TMEM106B: variants seen among roughly 807,000 people sequenced by gnomAD.
TMEM106B encodes transmembrane protein 106B.
TMEM106B carries 15 observed loss-of-function variants against 31.1 expected under a neutral mutation model. That is an observed-to-expected ratio of 0.48 (90% confidence interval 0.32 to 0.74). The LOEUF (loss-of-function observed/expected upper bound fraction) is 0.74, where lower values mean the gene tolerates loss of function less well. TMEM106B is among the 30% of genes least tolerant of loss of function. TMEM106B has a pLI of 0.03. For missense variants in TMEM106B, 283 were observed against 327.3 expected, an observed-to-expected ratio of 0.86 and a Z score of 1.04; for synonymous variants, 126 against 112.5, an observed-to-expected ratio of 1.12 and a Z score of -0.76.
intron 2 of TMEM106B, among the ~76,000 whole-genome samples, chr7:12,218,210 G>A (rs192483408): frequency 1.3e-5 from 2 of 150,730 alleles, no homozygotes; most frequent in Admixed American, 1.3e-4. Context: ...TTTTTTAGTG[G>A]AAGAAAAAGT....
At chr7:12,230,684 C>T (rs540391943) in intron 6 of TMEM106B, 2 of 340,508 alleles carry the variant, frequency 5.9e-6, no homozygotes, top group East Asian at 1.0e-4. Context: ...CTTTATTTTT[C>T]ATTACTATGT....
chr7:12,213,140 T>G (rs1781613985), intron 1 of TMEM106B, among the ~76,000 whole-genome samples: 2 of 152,206 alleles, frequency 1.3e-5, no homozygotes, highest in African/African-American at 4.8e-5. Flanking sequence ...ATTATTTATT[T>G]CTACTTAGAT....
chr7:12,227,744 T>G (rs1289576943), intron 4 of TMEM106B, among the ~76,000 whole-genome samples: 2 of 134,350 alleles, frequency 1.5e-5, no homozygotes, highest in Non-Finnish European at 3.3e-5. Context: ...TTAACAATTA[T>G]GGTGATCTCT....
At chr7:12,227,400 A>G (rs1177672068) in intron 4 of TMEM106B, among the ~76,000 whole-genome samples, 1 of 152,062 alleles carries the variant, frequency 6.6e-6, no homozygotes, top group Non-Finnish European at 1.5e-5. Context: ...AACTATTACC[A>G]TATACATATA....
chr7:12,223,445 T>A (rs1007896535), intron 3 of TMEM106B, among the ~76,000 whole-genome samples: 5 of 152,112 alleles, frequency 3.3e-5, no homozygotes, highest in Non-Finnish European at 7.4e-5. Flanking sequence ...CCCTAGGTAT[T>A]AAGCTCAGCA....
intron 3 of TMEM106B, among the ~76,000 whole-genome samples, chr7:12,221,504 C>G (rs1443424612): frequency 6.6e-6 from 1 of 152,092 alleles, no homozygotes; most frequent in East Asian, 1.9e-4. Flanking sequence ...AGAATAATGC[C>G]TGAAATACCC....
rs1327480286 is a variant in TMEM106B, at chr7:12,235,519, G to C, written c.*3544G>C. The C allele has an allele frequency of 6.6e-6, 1 of 151,728 alleles. No individual in the cohort carries two copies. Among genetic ancestry groups the C allele is most frequent in the Non-Finnish European group, 1.5e-5 (1 of 67,772 alleles). The allele number at this position is 151,728 out of a possible 1,614,324, so 9.4% of individuals were successfully genotyped here. A position where few individuals can be genotyped will look rare whatever the true frequency, so the allele number is the denominator to read the frequency against. On this transcript the variant is annotated 3_prime_UTR_variant, in exon 8 of 8. Transcript: ENST00000396668. ...GAAAGGACACCGCAATGTTCAAATA[G>C]GTAGGAGACCATCAAAAACACAATT...
In TMEM106B at chr7:12,213,986, A is replaced by G. The variant is rs576458059; in HGVS notation, c.-2-823A>G. On this transcript the variant is annotated intron_variant, in intron 1 of 7. Coordinates refer to ENST00000396668, the MANE Select transcript of TMEM106B (RefSeq NM_001134232.2). Reference sequence around the variant, plus strand: ...ATTCAGGCACAACTGACCAGCATCAATTAAAACAGAGATTTGAAGACTAAC... The same window carrying G: ...ATTCAGGCACAACTGACCAGCATCAGTTAAAACAGAGATTTGAAGACTAAC... 2.1e-3 allele frequency among the ~76,000 whole-genome samples: 313 copies of G among 152,264 alleles called. 3 individuals are homozygous for G. Among genetic ancestry groups the G allele is most frequent in the African/African-American group, 7.2e-3 (301 of 41,562 alleles).
chr7:12,230,333 GA>G, intron 5 of TMEM106B, 55 bp from the exon 6 acceptor site: 1 of 1,240,700 alleles, frequency 8.1e-7, no homozygotes, highest in Non-Finnish European at 1.2e-6. Flanking sequence ...AAGTATATCT[GA>G]AATGTTTGAT....
rs79909921 is a variant in TMEM106B at position 12,217,552 on chromosome 7, T to C, written c.218-906T>C. Among the ~76,000 whole-genome samples, 1,080 of 152,268 alleles carry C rather than the reference T, an allele frequency of 7.1e-3. 22 individuals carry two copies. The highest frequency in any genetic ancestry group is 0.025 in the African/African-American group (1,049 of 41,548). The stretch of plus-strand genomic sequence containing the variant: ...GTGTCCATGTTTAGCTCTGTTGATA[T>C]ATGCATAGGAGCCAGAGGGTTGGTT... On this transcript the variant is annotated intron_variant, in intron 2 of 7. Transcript: ENST00000396668.
chr7:12,213,946 C>T lies in TMEM106B; in HGVS notation c.-2-863C>T, dbSNP rs577642191. ...GGGGATTGAACATGCCCCGTTGTAC[C>T]TTCCTCTCTTTGGAATTCAGGCACA... On this transcript the variant is annotated intron_variant, in intron 1 of 7. Coordinates refer to ENST00000396668, the MANE Select transcript of TMEM106B (RefSeq NM_001134232.2). Among the ~76,000 whole-genome samples the T allele has an allele frequency of 2.1e-3, 312 of 152,136 alleles. 3 individuals are homozygous for T. Among genetic ancestry groups the T allele is most frequent in the African/African-American group, 7.2e-3 (300 of 41,502 alleles).
In TMEM106B at chr7:12,242,984, T is replaced by C. The variant is rs970153407; in HGVS notation, c.*11009T>C. The C allele has an allele frequency of 6.6e-6, 1 of 152,256 alleles. No individual in the cohort carries two copies. Among genetic ancestry groups the C allele is most frequent in the African/African-American group, 2.4e-5 (1 of 41,582 alleles). 9.4% of individuals were successfully genotyped at this position (152,256 alleles called of 1,614,324 possible). On this transcript the variant is annotated 3_prime_UTR_variant, in exon 8 of 8. Transcript: ENST00000396668. ...ACAGGGAATCTTGGTTATTAATTCC[T>C]GCAGGACTCAACTACTTATCACTCA...
Position 12,214,991 on chromosome 7 carries a change from T to C in TMEM106B, c.181T>C (p.Cys61Arg). Residue 61 changes from cysteine (C) to arginine (R), a missense_variant, in exon 2 of 8, where the codon TGC (cysteine) becomes CGC (arginine). Cys to Arg is a radical substitution (Grantham distance 180). Coordinates refer to ENST00000396668, the MANE Select transcript of TMEM106B (RefSeq NM_001134232.2). Reference protein sequence around the residue: ...VEFTGRDSVTCPTCQGTGRIP... With the variant: ...VEFTGRDSVTRPTCQGTGRIP... Reference sequence around the variant, plus strand: ...ATTTACAGGAAGAGATAGTGTCACCTGCCCTACTTGTCAGGGAACAGGAAG... The same window carrying C: ...ATTTACAGGAAGAGATAGTGTCACCCGCCCTACTTGTCAGGGAACAGGAAG... 6.2e-7 allele frequency: 1 copy of C among 1,613,978 alleles called. No homozygotes were observed. Among genetic ancestry groups the C allele is most frequent in the Non-Finnish European group, 8.5e-7 (1 of 1,179,898 alleles).
chr7:12,242,372 T>C lies in TMEM106B; in HGVS notation c.*10397T>C, dbSNP rs1782249310. 6.5e-5 allele frequency: 1 copy of C among 15,496 alleles called. No homozygotes were observed. The highest frequency in any genetic ancestry group is 8.7e-5 in the Non-Finnish European group (1 of 11,436). The allele number at this position is 15,496 out of a possible 1,614,324, so 1.0% of individuals were successfully genotyped here. A position where few individuals can be genotyped will look rare whatever the true frequency, so the allele number is the denominator to read the frequency against. On this transcript the variant is annotated 3_prime_UTR_variant, in exon 8 of 8. Transcript: ENST00000396668. ...TCCGGCCTGGGCGACAGAGCGAGAC[T>C]CCGTCTCAAAAAAAAAAAAAAAAAA...
rs993150321 is a variant in TMEM106B at position 12,237,520 on chromosome 7, C to T, written c.*5545C>T. 1.3e-5 allele frequency: 2 copies of T among 152,058 alleles called. No homozygotes were observed. The highest frequency in any genetic ancestry group is 4.8e-5 in the African/African-American group (2 of 41,406). 9.4% of individuals were successfully genotyped at this position (152,058 alleles called of 1,614,324 possible). A position where few individuals can be genotyped will look rare whatever the true frequency, so the allele number is the denominator to read the frequency against. On this transcript the variant is annotated 3_prime_UTR_variant, in exon 8 of 8. Transcript: ENST00000396668. ...TTATAGACATACCTTGGATATATTG[C>T]AGGTTTGGTTCCACACCATATCGAT...
At chr7:12,230,258 C>T (rs1562709125) in intron 5 of TMEM106B, 131 bp from the exon 6 acceptor site, 3 of 744,728 alleles carry the variant, frequency 4.0e-6, no homozygotes, top group East Asian at 5.1e-5. Context: ...TATACACATA[C>T]AAGATGAAAT....
At position 12,242,586 on chromosome 7, in the gene TMEM106B, C is replaced by A. The variant is rs1031675997; in HGVS notation, c.*10611C>A. ...AGAGAGTGTTTTACTGAAATATAAA[C>A]TTTTATGCATCTGATATTATCTAAT... is the stretch of plus-strand genomic sequence containing the variant. On this transcript the variant is annotated 3_prime_UTR_variant, in exon 8 of 8. Coordinates refer to ENST00000396668, the MANE Select transcript of TMEM106B (RefSeq NM_001134232.2). 3 of 151,944 alleles carry A rather than the reference C, an allele frequency of 2.0e-5. No individual in the cohort carries two copies. Among genetic ancestry groups the A allele is most frequent in the African/African-American group, 7.2e-5 (3 of 41,388 alleles). The allele number at this position is 151,944 out of a possible 1,614,324, so 9.4% of individuals were successfully genotyped here.
chr7:12,226,652 A>G (rs534718148), intron 4 of TMEM106B, among the ~76,000 whole-genome samples: 5 of 152,026 alleles, frequency 3.3e-5, no homozygotes, highest in African/African-American at 9.6e-5. Context: ...AGTGAGTGAA[A>G]TGGAATGGTA....
At chr7:12,217,027 T>A (rs75267475) in intron 2 of TMEM106B, among the ~76,000 whole-genome samples, 1 of 37,168 alleles carries the variant, frequency 2.7e-5, no homozygotes, top group South Asian at 1.4e-3. Flanking sequence ...AGGAGAGGGA[T>A]TTTTTTTTTT....
Sources: allele counts gnomAD v4.1 joint callset (sites outside exome capture counted in the v4.1 genomes callset), GRCh38; gene constraint gnomAD v4.1.1; transcripts MANE v1.5; gene names NCBI Gene and HGNC (gene_info 2026-07-23, HGNC 2026-07-21).